Variants in SLIT2 observed in about 807,000 individuals in gnomAD.
SLIT2 encodes the protein slit homolog 2 protein.
A neutral mutation model predicts 185.7 loss-of-function variants in SLIT2; 41 were observed. That is an observed-to-expected ratio of 0.22 (90% CI 0.17 to 0.29). The LOEUF is 0.29. Ranked by LOEUF, SLIT2 falls within the 10% of genes least tolerant of loss-of-function variation. SLIT2 has a pLI of 1.00. For synonymous variants in SLIT2, 693 were observed against 680.2 expected (o/e 1.02, Z -0.29); for missense variants, 1,571 against 1,909.0 (o/e 0.82, Z 3.30).
intron 9 of SLIT2, among the ~76,000 whole-genome samples, chr4:20,494,867 TTAAC>T (rs1718090432): frequency 6.6e-6 from 1 of 151,812 alleles, no homozygotes; most frequent in African/African-American, 2.4e-5. Flanking sequence ...TTTGGAGTAA[TTAAC>T]ATAATAGAAA....
At chr4:20,538,561 G>A (rs1194264051) in intron 18 of SLIT2, among the ~76,000 whole-genome samples, 2 of 151,978 alleles carry the variant, frequency 1.3e-5, no homozygotes, top group Non-Finnish European at 2.9e-5. Context: ...GCCAACTTAT[G>A]TTTAGAAAAA....
intron 4 of SLIT2, among the ~76,000 whole-genome samples, chr4:20,395,561 A>ATC (rs1382592252): frequency 6.6e-6 from 1 of 152,036 alleles, no homozygotes; most frequent in East Asian, 1.9e-4. Flanking sequence ...TTATTTAATT[A>ATC]TCTTTCCTGG....
intron 29 of SLIT2, among the ~76,000 whole-genome samples, chr4:20,576,559 T>C (rs1409956156): frequency 9.9e-5 from 15 of 152,158 alleles, no homozygotes; most frequent in Non-Finnish European, 4.4e-5. Context: ...ATGTGTAAGG[T>C]CTTTATATCA....
chr4:20,524,216 C>A (rs1346203133), intron 14 of SLIT2, 39 bp downstream of exon 14: 2 of 1,594,952 alleles, frequency 1.3e-6, no homozygotes, highest in Non-Finnish European at 1.7e-6. Context: ...TGACCAACAA[C>A]AATGGTTACA....
chr4:20,574,496 G>A (rs897627396), intron 29 of SLIT2, among the ~76,000 whole-genome samples: 2 of 152,116 alleles, frequency 1.3e-5, no homozygotes, highest in African/African-American at 4.8e-5. Flanking sequence ...GGATAATAAG[G>A]AAGTTATAGA....
chr4:20,478,557 A>C (rs1228120791), intron 5 of SLIT2, among the ~76,000 whole-genome samples: 2 of 152,216 alleles, frequency 1.3e-5, no homozygotes, highest in African/African-American at 4.8e-5. Context: ...TATTGTGTGC[A>C]TGATTTAGAA....
intron 4 of SLIT2, among the ~76,000 whole-genome samples, chr4:20,292,434 G>A (rs180788014): frequency 1.2e-3 from 182 of 152,204 alleles, no homozygotes; most frequent in Non-Finnish European, 2.1e-3. Flanking sequence ...TGAGAGGATC[G>A]CTTGAGGACA....
intron 4 of SLIT2, among the ~76,000 whole-genome samples, chr4:20,375,704 C>T (rs1354818295): frequency 6.6e-6 from 1 of 151,796 alleles, no homozygotes; most frequent in African/African-American, 2.4e-5. Context: ...ATATTTTTAA[C>T]AACCTGGTCA....
At chr4:20,400,169 A>G in intron 4 of SLIT2, among the ~76,000 whole-genome samples, 1 of 151,824 alleles carries the variant, frequency 6.6e-6, no homozygotes, top group East Asian at 1.9e-4. Context: ...AATTTGGCTT[A>G]ATGAGCATAT....
intron 4 of SLIT2, among the ~76,000 whole-genome samples, chr4:20,379,091 A>G (rs1451958417): frequency 2.0e-5 from 3 of 152,154 alleles, no homozygotes; most frequent in Admixed American, 2.0e-4. Context: ...GATGCATGTT[A>G]CTGTAAATTT....
In SLIT2 at chr4:20,499,345, GT is replaced by G. The variant is rs2148810588; in HGVS notation, c.914+7449del. On this transcript the variant is annotated intron_variant, in intron 9 of 36. Transcript: ENST00000504154. ...AAAGTGTCTTTTTCTGTTCATTTCT[GT>G]TTAGATAACTACCTCCCATATACGC... Among the ~76,000 whole-genome samples the G allele has an allele frequency of 2.0e-5, 3 of 152,096 alleles. No individual in the cohort carries two copies. The South Asian group carries it at 6.2e-4, about 32-fold the overall frequency.
intron 5 of SLIT2, among the ~76,000 whole-genome samples, chr4:20,471,866 G>A (rs1263326570): frequency 6.6e-6 from 1 of 151,882 alleles, no homozygotes; most frequent in East Asian, 1.9e-4. Context: ...ACATCTCCAG[G>A]GAGGACTTCC....
At chr4:20,617,961 G>A (rs1209757136) in intron 36 of SLIT2, among the ~76,000 whole-genome samples, 1 of 152,146 alleles carries the variant, frequency 6.6e-6, no homozygotes, top group Non-Finnish European at 1.5e-5. Context: ...TTACCTGATG[G>A]AGAAGCACAT....
chr4:20,594,190 T>C (rs886399811), intron 30 of SLIT2, among the ~76,000 whole-genome samples: 11 of 150,048 alleles, frequency 7.3e-5, no homozygotes, highest in Non-Finnish European at 1.3e-4. Flanking sequence ...CATGTGTGTA[T>C]ATACATATGT....
chr4:20,584,018 C>T (rs779894759), intron 29 of SLIT2, among the ~76,000 whole-genome samples: 10 of 151,868 alleles, frequency 6.6e-5, no homozygotes, highest in Non-Finnish European at 1.0e-4. Context: ...TTATTTTTAC[C>T]GCTGAATGAA....
chr4:20,345,829 T>G (rs1405827659), intron 4 of SLIT2, among the ~76,000 whole-genome samples: 3 of 151,976 alleles, frequency 2.0e-5, no homozygotes, highest in African/African-American at 7.3e-5. Context: ...CACCCACGTC[T>G]GGCCTGAAAT....
Position 20,567,505 on chromosome 4 carries a change from C to G in SLIT2, c.2851-13C>G. ...ACTACTTCACTCGACTATACTTGCC[C>G]CTTCTTCTCCAGGGGCAGGACTGTG... On this transcript the variant is annotated splice_polypyrimidine_tract_variant and intron_variant, in intron 27 of 36. Coordinates refer to ENST00000504154, the MANE Select transcript of SLIT2 (RefSeq NM_004787.4). 6.2e-7 allele frequency: 1 copy of G among 1,612,428 alleles called. No individual in the cohort carries two copies. Among genetic ancestry groups the G allele is most frequent in the Non-Finnish European group, 8.5e-7 (1 of 1,178,796 alleles).
chr4:20,585,186 T>C (rs1391429966), intron 29 of SLIT2, among the ~76,000 whole-genome samples: 1 of 152,252 alleles, frequency 6.6e-6, no homozygotes, highest in Non-Finnish European at 1.5e-5. Context: ...CAGCAATATT[T>C]ATTACCAGTT....
intron 5 of SLIT2, among the ~76,000 whole-genome samples, chr4:20,472,581 T>G (rs1216649037): frequency 0.031 from 204 of 6,578 alleles, 68 homozygotes; most frequent in Non-Finnish European, 0.037. Flanking sequence ...TAGATATATC[T>G]ATATATAGAT....
Sources: allele counts gnomAD v4.1 joint callset (sites outside exome capture counted in the v4.1 genomes callset), GRCh38; gene constraint gnomAD v4.1.1; transcripts MANE v1.5; gene names NCBI Gene and HGNC (gene_info 2026-07-23, HGNC 2026-07-21).